The following MAN2A1 variants were observed in gnomAD, a reference collection of about 807,000 sequenced individuals.
The protein encoded by MAN2A1 is alpha-mannosidase 2.
In MAN2A1, 76 loss-of-function variants were observed where a neutral mutation model predicts 142.6. That is an observed-to-expected ratio of 0.53 (90% CI 0.44 to 0.65). The LOEUF (loss-of-function observed/expected upper bound fraction) is 0.65. Ranked by LOEUF, MAN2A1 falls within the 30% of genes least tolerant of loss-of-function variation. MAN2A1 has a pLI of 0.00. For missense variants in MAN2A1, 1,311 were observed against 1,365.1 expected (o/e 0.96, Z 0.62); for synonymous variants, 559 against 473.2 (o/e 1.18, Z -2.35).
chr5:109,734,522 C>T (rs1752025989), intron 4 of MAN2A1, among the ~76,000 whole-genome samples: 1 of 152,174 alleles, frequency 6.6e-6, no homozygotes, highest in African/African-American at 2.4e-5. Context: ...CTATAAATTT[C>T]CCTCTACACA....
At chr5:109,720,993 G>A (rs758063686) in intron 3 of MAN2A1, among the ~76,000 whole-genome samples, 5 of 152,206 alleles carry the variant, frequency 3.3e-5, no homozygotes, top group Non-Finnish European at 7.4e-5. Flanking sequence ...AGCTAAAATC[G>A]TATGCGGAAC....
chr5:109,770,063 G>T (rs189405159), intron 6 of MAN2A1, among the ~76,000 whole-genome samples: 97 of 152,264 alleles, frequency 6.4e-4, no homozygotes, highest in Non-Finnish European at 1.1e-3. Flanking sequence ...AACTTTTACG[G>T]CTGCTCAGTT....
At chr5:109,771,999 A>G (rs1188911066) in intron 7 of MAN2A1, among the ~76,000 whole-genome samples, 1 of 152,188 alleles carries the variant, frequency 6.6e-6, no homozygotes, top group East Asian at 1.9e-4. Flanking sequence ...CCTCAGGATG[A>G]TACCTTGTGC....
intron 5 of MAN2A1, among the ~76,000 whole-genome samples, chr5:109,761,842 A>G (rs527732925): frequency 1.5e-3 from 231 of 152,114 alleles, no homozygotes; most frequent in Non-Finnish European, 2.3e-3. Context: ...TTAATATCCA[A>G]TTTACATCTA....
At chr5:109,715,129 G>T (rs923362997) in intron 2 of MAN2A1, among the ~76,000 whole-genome samples, 1 of 152,050 alleles carries the variant, frequency 6.6e-6, no homozygotes, top group Non-Finnish European at 1.5e-5. Context: ...GGAAGAAACA[G>T]ACACTGCTAA....
chr5:109,856,769 C>T lies in MAN2A1; in HGVS notation c.3171+1435C>T, dbSNP rs556610307. Among the ~76,000 whole-genome samples the T allele has an allele frequency of 1.2e-4, 18 of 151,800 alleles. No homozygotes were observed. In the South Asian group the frequency reaches 3.1e-3, roughly 26 times the overall value. On this transcript the variant is annotated intron_variant, in intron 20 of 21. Transcript: ENST00000261483. ...ATAATAATGACTACAAGCAAATGCTCGAGGCGTGTGTGCGTGTGTGTGTAT... is the reference window on the plus strand; with the variant it reads ...ATAATAATGACTACAAGCAAATGCTTGAGGCGTGTGTGCGTGTGTGTGTAT...
intron 12 of MAN2A1, 139 bp downstream of exon 12, chr5:109,789,666 T>C: frequency 1.7e-6 from 1 of 595,270 alleles, no homozygotes; most frequent in Non-Finnish European, 3.0e-6. Flanking sequence ...TGGATTTTCT[T>C]TCATGACTGT....
At chr5:109,724,435 G>A (rs553258250) in intron 3 of MAN2A1, among the ~76,000 whole-genome samples, 2 of 152,066 alleles carry the variant, frequency 1.3e-5, no homozygotes, top group South Asian at 4.1e-4. Flanking sequence ...TTAAAAAAAA[G>A]AAAATAAATT....
chr5:109,860,228 C>T (rs772469164), intron 20 of MAN2A1, among the ~76,000 whole-genome samples: 5 of 152,130 alleles, frequency 3.3e-5, no homozygotes, highest in Non-Finnish European at 7.4e-5. Flanking sequence ...GTACGTATCT[C>T]AGAACAGCCA....
chr5:109,869,242 T>C lies in MAN2A1; in HGVS notation c.*2244T>C, dbSNP rs1755954807. The C allele has an allele frequency of 6.6e-6, 1 of 152,196 alleles. No individual in the cohort carries two copies. Among genetic ancestry groups the C allele is most frequent in the South Asian group, 2.1e-4 (1 of 4,834 alleles). 9.4% of individuals were successfully genotyped at this position (152,196 alleles called of 1,614,324 possible). On this transcript the variant is annotated 3_prime_UTR_variant, in exon 22 of 22. Transcript: ENST00000261483. ...GTTGTGATCTCAGTGGCATATTTAT[T>C]TGGTTAGGTTTCGTTACATTTATTA...
chr5:109,826,749 G>A (rs1330460417), intron 16 of MAN2A1, among the ~76,000 whole-genome samples: 1 of 152,222 alleles, frequency 6.6e-6, no homozygotes, highest in East Asian at 1.9e-4. Flanking sequence ...CTCTATCAGC[G>A]TTCACGCTGC....
chr5:109,763,937 G>T (rs1752923095), intron 5 of MAN2A1, among the ~76,000 whole-genome samples: 1 of 151,920 alleles, frequency 6.6e-6, no homozygotes, highest in African/African-American at 2.4e-5. Flanking sequence ...TAGTAGCTAG[G>T]ATTACAGGTG....
intron 21 of MAN2A1, 93 bp from the exon 22 acceptor site, chr5:109,866,753 T>C: frequency 1.3e-6 from 1 of 774,234 alleles, no homozygotes; most frequent in Non-Finnish European, 2.1e-6. Context: ...TACTGTTTTA[T>C]TCCTTCTCAT....
chr5:109,780,652 T>A (rs1753432269), intron 8 of MAN2A1, among the ~76,000 whole-genome samples: 1 of 152,164 alleles, frequency 6.6e-6, no homozygotes, highest in African/African-American at 2.4e-5. Flanking sequence ...TTAATATCTG[T>A]TTACAAGATT....
intron 4 of MAN2A1, among the ~76,000 whole-genome samples, chr5:109,735,353 G>GTAAT (rs1402970394): frequency 6.6e-6 from 1 of 152,132 alleles, no homozygotes; most frequent in African/African-American, 2.4e-5. Flanking sequence ...CTTTTAATTG[G>GTAAT]AGCATTTAGT....
chr5:109,708,084 G>A (rs1751188432), intron 1 of MAN2A1, among the ~76,000 whole-genome samples: 1 of 152,104 alleles, frequency 6.6e-6, no homozygotes, highest in South Asian at 2.1e-4. Context: ...AGCTAACCTT[G>A]AGGTGCTCTA....
At chr5:109,863,483 C>CTA (rs1755805558) in intron 20 of MAN2A1, 12 of 152,322 alleles carry the variant, frequency 7.9e-5, no homozygotes, top group Admixed American at 7.2e-4. Context: ...AGGCTCTGAA[C>CTA]CACTCTTACT....
intron 13 of MAN2A1, among the ~76,000 whole-genome samples, chr5:109,818,923 TCCCAGGAC>T (rs1193766147): frequency 2.6e-5 from 4 of 152,178 alleles, no homozygotes; most frequent in African/African-American, 7.2e-5. Flanking sequence ...AGAGGACTGG[TCCCAGGAC>T]CCTCTGGGGA....
chr5:109,819,148 A>G (rs1425641971), intron 13 of MAN2A1, among the ~76,000 whole-genome samples: 2 of 152,234 alleles, frequency 1.3e-5, no homozygotes, highest in South Asian at 2.1e-4. Flanking sequence ...TAAGCTATTT[A>G]TATTTAGTAT....
Sources: allele counts gnomAD v4.1 joint callset (sites outside exome capture counted in the v4.1 genomes callset), GRCh38; gene constraint gnomAD v4.1.1; transcripts MANE v1.5; gene names NCBI Gene and HGNC (gene_info 2026-07-23, HGNC 2026-07-21).